CTNND2: variants seen among roughly 807,000 people sequenced by gnomAD.
CTNND2 encodes the protein catenin delta-2.
CTNND2 carries 22 observed loss-of-function variants against 144.4 expected under a neutral mutation model. The observed-to-expected ratio is 0.15, with a 90% CI of 0.11 to 0.22. CTNND2 has a LOEUF of 0.22. Among genes scored for constraint, CTNND2 ranks in the 10% least tolerant of loss-of-function variants. The pLI, the probability that CTNND2 is intolerant of heterozygous loss-of-function variation, is 1.00. For synonymous variants in CTNND2, 751 were observed against 695.6 expected (o/e 1.08, Z -1.25); for missense variants, 1,353 against 1,618.8 (o/e 0.84, Z 2.82).
intron 3 of CTNND2, among the ~76,000 whole-genome samples, chr5:11,428,497 C>T (rs1404493237): frequency 6.6e-6 from 1 of 152,110 alleles, no homozygotes; most frequent in African/African-American, 2.4e-5. Flanking sequence ...TAGCTTTACC[C>T]CTTATCAAAA....
chr5:11,607,585 G>A (rs909228644), intron 2 of CTNND2, among the ~76,000 whole-genome samples: 1 of 152,098 alleles, frequency 6.6e-6, no homozygotes. Flanking sequence ...CAATTCAATT[G>A]ACACAAATGA....
chr5:11,869,803 G>A (rs957802213), intron 1 of CTNND2, among the ~76,000 whole-genome samples: 8 of 152,182 alleles, frequency 5.3e-5, no homozygotes, highest in African/African-American at 1.7e-4. Flanking sequence ...AGAAGGTGAG[G>A]AGACAAGTCA....
At chr5:11,813,256 G>T (rs1792439040) in intron 1 of CTNND2, among the ~76,000 whole-genome samples, 1 of 152,120 alleles carries the variant, frequency 6.6e-6, no homozygotes, top group Admixed American at 6.5e-5. Flanking sequence ...AACTACTTGT[G>T]TGTAAGTACA....
In CTNND2 at chr5:11,290,682, T is replaced by A. The variant is rs529977666; in HGVS notation, c.1629-53859A>T. 7.9e-5 allele frequency among the ~76,000 whole-genome samples: 12 copies of A among 152,298 alleles called. No homozygotes were observed. In the South Asian group the frequency reaches 2.5e-3, roughly 32 times the overall value. Reference sequence around the variant, plus strand: ...GTACGTTTCATAGAGAACATCTGTTTTACCCATGATCGGTCCTTTTAAATG... The same window carrying A: ...GTACGTTTCATAGAGAACATCTGTTATACCCATGATCGGTCCTTTTAAATG... On this transcript the variant is annotated intron_variant, in intron 9 of 21. Transcript: ENST00000304623.
chr5:11,023,752 A>G (rs1221937005), intron 16 of CTNND2, among the ~76,000 whole-genome samples: 1 of 152,224 alleles, frequency 6.6e-6, no homozygotes, highest in East Asian at 1.9e-4. Flanking sequence ...CTTTAACATT[A>G]TTAATCTTAC....
chr5:11,729,856 C>T (rs1421978771), intron 2 of CTNND2, among the ~76,000 whole-genome samples: 1 of 152,130 alleles, frequency 6.6e-6, no homozygotes, highest in Non-Finnish European at 1.5e-5. Context: ...ACAATATAAA[C>T]TACTTTTCAA....
At position 11,356,423 on chromosome 5, in the gene CTNND2, A is replaced by G. The variant is rs559502498; in HGVS notation, c.1372+8273T>C. On this transcript the variant is annotated intron_variant, in intron 8 of 21. Coordinates refer to ENST00000304623, the MANE Select transcript of CTNND2 (RefSeq NM_001332.4). ...ACCTAGAGCCAACTTATTTTCAACA[A>G]AGGTACCAAGAACTTACACTGGGGA... Among the ~76,000 whole-genome samples the G allele has an allele frequency of 1.7e-4, 26 of 152,198 alleles. No individual in the cohort carries two copies. In the South Asian group the frequency reaches 5.4e-3, roughly 32 times the overall value.
intron 9 of CTNND2, among the ~76,000 whole-genome samples, chr5:11,255,002 T>C (rs747122392): frequency 2.2e-4 from 34 of 152,226 alleles, no homozygotes; most frequent in Admixed American, 2.0e-3. Flanking sequence ...AATTTGTCTT[T>C]GGAGTCATGC....
intron 3 of CTNND2, among the ~76,000 whole-genome samples, chr5:11,452,045 C>T (rs897863195): frequency 1.6e-4 from 24 of 152,250 alleles, no homozygotes; most frequent in African/African-American, 5.8e-4. Flanking sequence ...AATTTTAAGG[C>T]TAAACATGCT....
At chr5:11,518,450 A>C (rs1244742635) in intron 3 of CTNND2, among the ~76,000 whole-genome samples, 1 of 152,156 alleles carries the variant, frequency 6.6e-6, no homozygotes, top group East Asian at 1.9e-4. Flanking sequence ...TTTATTATTG[A>C]AGAAAATGTT....
chr5:11,717,702 C>A (rs926429555), intron 2 of CTNND2, among the ~76,000 whole-genome samples: 4 of 151,986 alleles, frequency 2.6e-5, no homozygotes, highest in Non-Finnish European at 5.9e-5. Context: ...GAAGGAAAGT[C>A]ACGTCTTACA....
At chr5:11,377,892 A>C (rs1267922036) in intron 7 of CTNND2, among the ~76,000 whole-genome samples, 2 of 152,208 alleles carry the variant, frequency 1.3e-5, no homozygotes, top group Non-Finnish European at 2.9e-5. Context: ...ATGAATTTAC[A>C]AAAGAAATGT....
chr5:11,039,785 G>A (rs1310844781), intron 16 of CTNND2, among the ~76,000 whole-genome samples: 1 of 152,132 alleles, frequency 6.6e-6, no homozygotes, highest in South Asian at 2.1e-4. Flanking sequence ...GTACAGGCCA[G>A]GCACAGTAGC....
chr5:11,118,459 C>T lies in CTNND2; in HGVS notation c.2160-892G>A, dbSNP rs141015421. On this transcript the variant is annotated intron_variant, in intron 12 of 21. Transcript: ENST00000304623. Reference sequence around the variant, plus strand: ...GGGAACAGTGGTAGAAAAAGAAGGACGATTCTCAAACTTTGGGAGCATCGG... The same window carrying T: ...GGGAACAGTGGTAGAAAAAGAAGGATGATTCTCAAACTTTGGGAGCATCGG... Among the ~76,000 whole-genome samples, 26 of 152,324 alleles carry T rather than the reference C, an allele frequency of 1.7e-4. No individual in the cohort carries two copies. In the East Asian group the frequency reaches 2.9e-3, roughly 17 times the overall value.
At chr5:11,685,861 CTAAGAA>C (rs1160457317) in intron 2 of CTNND2, among the ~76,000 whole-genome samples, 1 of 152,108 alleles carries the variant, frequency 6.6e-6, no homozygotes, top group East Asian at 1.9e-4. Context: ...TTTACATTCT[CTAAGAA>C]TAAGTCCCCT....
At chr5:10,991,178 G>A (rs1212830563) in intron 19 of CTNND2, among the ~76,000 whole-genome samples, 1 of 152,222 alleles carries the variant, frequency 6.6e-6, no homozygotes, top group Non-Finnish European at 1.5e-5. Flanking sequence ...AGAGCTGGGA[G>A]CGGGCCATTT....
chr5:11,509,491 GA>G (rs779541618), intron 3 of CTNND2, among the ~76,000 whole-genome samples: 3 of 151,942 alleles, frequency 2.0e-5, no homozygotes, highest in Non-Finnish European at 4.4e-5. Flanking sequence ...ACTGAATAAT[GA>G]AAAAAAGGAA....
intron 3 of CTNND2, among the ~76,000 whole-genome samples, chr5:11,473,110 A>C (rs1339194365): frequency 1.3e-5 from 2 of 152,154 alleles, no homozygotes; most frequent in African/African-American, 4.8e-5. Context: ...GACAGGTCCA[A>C]ATATTCTGTA....
Position 11,624,747 on chromosome 5 carries a change from C to G in CTNND2, c.175-59691G>C, listed in dbSNP as rs570847246. 5.2e-4 allele frequency among the ~76,000 whole-genome samples: 79 copies of G among 152,124 alleles called. 3 individuals carry two copies. In the South Asian group the frequency reaches 0.016, roughly 31 times the overall value. ...TTCTGCTCCTGTTAAGGAAAATTAACAGTTGGAACCCACACAGGGATAGTT... is the reference window on the plus strand; with the variant it reads ...TTCTGCTCCTGTTAAGGAAAATTAAGAGTTGGAACCCACACAGGGATAGTT... On this transcript the variant is annotated intron_variant, in intron 2 of 21. Coordinates refer to ENST00000304623, the MANE Select transcript of CTNND2 (RefSeq NM_001332.4).
Sources: allele counts gnomAD v4.1 joint callset (sites outside exome capture counted in the v4.1 genomes callset), GRCh38; gene constraint gnomAD v4.1.1; transcripts MANE v1.5; gene names NCBI Gene and HGNC (gene_info 2026-07-23, HGNC 2026-07-21).